The following PCMTD1 variants were observed in gnomAD, a reference collection of about 807,000 sequenced individuals.
The protein encoded by PCMTD1 is protein-L-isoaspartate (D-aspartate) O-methyltransferase domain containing 1.
Under a neutral mutation model 37.6 loss-of-function variants are expected in PCMTD1, and 12 were observed. That is an observed-to-expected ratio of 0.32 (90% CI 0.20 to 0.52). The LOEUF is 0.52. Ranked by LOEUF, PCMTD1 falls within the 20% of genes least tolerant of loss-of-function variation. The probability of loss-of-function intolerance (pLI) is 0.97; values close to 1 mark genes in which losing one functional copy is unlikely to be tolerated. For missense variants in PCMTD1, 235 were observed against 421.3 expected, an observed-to-expected ratio of 0.56 and a Z score of 3.87; for synonymous variants, 117 against 135.8, an observed-to-expected ratio of 0.86 and a Z score of 0.96.
intron 5 of PCMTD1, among the ~76,000 whole-genome samples, chr8:51,828,417 G>A (rs1036373187): frequency 6.6e-6 from 1 of 152,128 alleles, no homozygotes; most frequent in African/African-American, 2.4e-5. Context: ...TACTAATATA[G>A]CATAAATATA....
At chr8:51,855,578 A>G (rs914966169) in intron 2 of PCMTD1, among the ~76,000 whole-genome samples, 46 of 151,588 alleles carry the variant, frequency 3.0e-4, no homozygotes, top group Admixed American at 6.6e-4. Flanking sequence ...AAAAAAGTGT[A>G]ACACAGTATA....
intron 1 of PCMTD1, among the ~76,000 whole-genome samples, chr8:51,881,553 T>C (rs2038792774): frequency 6.6e-6 from 1 of 152,110 alleles, no homozygotes; most frequent in African/African-American, 2.4e-5. Flanking sequence ...ACAGGCAGAG[T>C]GTAGTAAGTT....
At chr8:51,849,504 A>G (rs902920563) in intron 2 of PCMTD1, 2 of 152,222 alleles carry the variant, frequency 1.3e-5, no homozygotes, top group Non-Finnish European at 2.9e-5. Flanking sequence ...ATAGCTAAAT[A>G]TTAAAGAGAA....
intron 2 of PCMTD1, among the ~76,000 whole-genome samples, chr8:51,858,332 GT>G (rs1395970187): frequency 1.4e-4 from 21 of 152,170 alleles, no homozygotes; most frequent in African/African-American, 5.1e-4. Flanking sequence ...GGGAGCACCT[GT>G]TATCCCTATC....
At chr8:51,838,033 T>G (rs564501288) in intron 3 of PCMTD1, among the ~76,000 whole-genome samples, 5 of 152,266 alleles carry the variant, frequency 3.3e-5, no homozygotes, top group African/African-American at 1.2e-4. Flanking sequence ...GCAATCTACC[T>G]GCCTGGGCCT....
chr8:51,867,549 ATAAATATAGAC>A (rs1258763888), intron 1 of PCMTD1, among the ~76,000 whole-genome samples: 1 of 151,504 alleles, frequency 6.6e-6, no homozygotes, highest in Admixed American at 6.6e-5. Flanking sequence ...GAAGAAAAAG[ATAAATATAGAC>A]TTACATTATA....
At chr8:51,863,228 C>A (rs1250452998) in intron 1 of PCMTD1, among the ~76,000 whole-genome samples, 1 of 152,066 alleles carries the variant, frequency 6.6e-6, no homozygotes, top group African/African-American at 2.4e-5. Flanking sequence ...ATTGCTGTAC[C>A]GTAAATGCCA....
At position 51,887,665 on chromosome 8, in the gene PCMTD1, T is replaced by C. The variant is rs551582011; in HGVS notation, c.-96+11265A>G. Reference sequence around the variant, plus strand: ...CAAGCCATGCAATCATTTTCCTCGTTTAAAATAAATTAAAAAAAAAAAAGA... The same window carrying C: ...CAAGCCATGCAATCATTTTCCTCGTCTAAAATAAATTAAAAAAAAAAAAGA... On this transcript the variant is annotated intron_variant, in intron 1 of 5. Coordinates refer to ENST00000522514, the MANE Select transcript of PCMTD1 (RefSeq NM_052937.4). Among the ~76,000 whole-genome samples, 3 of 151,570 alleles carry C rather than the reference T, an allele frequency of 2.0e-5. No homozygotes were observed. The South Asian group carries it at 6.2e-4, about 31-fold the overall frequency.
intron 1 of PCMTD1, among the ~76,000 whole-genome samples, chr8:51,887,600 C>A (rs144386780): frequency 0.011 from 1,691 of 149,912 alleles, 13 homozygotes; most frequent in Middle Eastern, 0.052. Context: ...CTAGAAACTG[C>A]AAAAAAACAA....
chr8:51,834,493 G>A (rs746811973), intron 3 of PCMTD1, among the ~76,000 whole-genome samples: 6 of 151,982 alleles, frequency 3.9e-5, no homozygotes, highest in African/African-American at 9.7e-5. Flanking sequence ...TAATATAAAC[G>A]TAATTAAAAC....
At chr8:51,860,227 G>C (rs1017432564) in intron 2 of PCMTD1, among the ~76,000 whole-genome samples, 9 of 152,190 alleles carry the variant, frequency 5.9e-5, no homozygotes, top group Non-Finnish European at 1.2e-4. Flanking sequence ...CACTGAATGA[G>C]TTAATACACA....
chr8:51,818,506 T>C lies in PCMTD1; in HGVS notation c.*1845A>G, dbSNP rs1406585773. ...GTGGTCACCAGGAATTCAAGGTAAC[T>C]AGGTACTTCAAAAGCCACATTTAAT... On this transcript the variant is annotated 3_prime_UTR_variant, in exon 6 of 6. Coordinates refer to ENST00000522514, the MANE Select transcript of PCMTD1 (RefSeq NM_052937.4). 3.9e-5 allele frequency: 6 copies of C among 152,354 alleles called. No individual in the cohort carries two copies. The highest frequency in any genetic ancestry group is 8.8e-5 in the Non-Finnish European group (6 of 68,308). The allele number at this position is 152,354 out of a possible 1,614,324, so 9.4% of individuals were successfully genotyped here. A position where few individuals can be genotyped will look rare whatever the true frequency, so the allele number is the denominator to read the frequency against.
At chr8:51,864,673 T>C (rs2038524061) in intron 1 of PCMTD1, among the ~76,000 whole-genome samples, 1 of 151,732 alleles carries the variant, frequency 6.6e-6, no homozygotes, top group East Asian at 1.9e-4. Context: ...CAAATGAAAA[T>C]GGAAACATAA....
chr8:51,871,781 G>A (rs982163167), intron 1 of PCMTD1, among the ~76,000 whole-genome samples: 4 of 152,122 alleles, frequency 2.6e-5, no homozygotes, highest in Non-Finnish European at 5.9e-5. Flanking sequence ...AAATTTCAAT[G>A]CTCCCAACGG....
intron 5 of PCMTD1, chr8:51,827,441 T>A: frequency 2.2e-6 from 1 of 454,670 alleles, no homozygotes; most frequent in Non-Finnish European, 4.2e-6. Context: ...TAGTGTAGTA[T>A]AATTGCATGC....
chr8:51,860,034 A>C (rs534851640), intron 2 of PCMTD1, among the ~76,000 whole-genome samples: 1 of 152,290 alleles, frequency 6.6e-6, no homozygotes, highest in East Asian at 1.9e-4. Flanking sequence ...TCCTCCATCC[A>C]ACATAATGTC....
At chr8:51,825,792 T>C (rs894764243) in intron 5 of PCMTD1, among the ~76,000 whole-genome samples, 1 of 147,058 alleles carries the variant, frequency 6.8e-6, no homozygotes, top group African/African-American at 2.6e-5. Flanking sequence ...GAAATGCAAA[T>C]CAAAACCACA....
At chr8:51,867,811 G>A (rs1361698348) in intron 1 of PCMTD1, among the ~76,000 whole-genome samples, 1 of 151,980 alleles carries the variant, frequency 6.6e-6, no homozygotes, top group Admixed American at 6.6e-5. Flanking sequence ...AGAGGCTGGG[G>A]CAGGAGGGTA....
Position 51,831,297 on chromosome 8 carries a change from A to T in PCMTD1, c.706+147T>A, listed in dbSNP as rs202013669. ...TGGGCAACAGAACAAGACTGTCTCC[A>T]AAAAAAAAAAAAAAGTTGAATAAAT... is the stretch of plus-strand genomic sequence containing the variant. On this transcript the variant is annotated intron_variant, in intron 5 of 5. Transcript: ENST00000522514. 140 of 19,174 alleles carry T rather than the reference A, an allele frequency of 7.3e-3. No homozygotes were observed. In the East Asian group the frequency reaches 0.1, roughly 14 times the overall value. The allele number at this position is 19,174 out of a possible 1,614,324, so 1.2% of individuals were successfully genotyped here.
Sources: allele counts gnomAD v4.1 joint callset (sites outside exome capture counted in the v4.1 genomes callset), GRCh38; gene constraint gnomAD v4.1.1; transcripts MANE v1.5; gene names NCBI Gene and HGNC (gene_info 2026-07-23, HGNC 2026-07-21).